Variants in GLIS3 observed in about 807,000 individuals in gnomAD.
GLIS3 encodes the protein GLIS family zinc finger 3, also known as zinc finger protein GLIS3.
GLIS3 carries 53 observed loss-of-function variants against 78.6 expected under a neutral mutation model. That is an observed-to-expected ratio of 0.67 (90% confidence interval 0.54 to 0.85). GLIS3 has a LOEUF of 0.85. GLIS3 is among the 40% of genes least tolerant of loss of function. The probability of loss-of-function intolerance (pLI) is 0.00; values close to 1 mark genes in which losing one functional copy is unlikely to be tolerated. For missense variants in GLIS3, 1,703 were observed against 1,231.1 expected (o/e 1.38, Z -5.74); for synonymous variants, 684 against 509.9 (o/e 1.34, Z -4.60).
chr9:4,414,307 A>G, the GLIS3 span, among the ~76,000 whole-genome samples: 1 of 152,228 alleles, frequency 6.6e-6, no homozygotes, highest in East Asian at 1.9e-4. Context: ...CAAAACATGT[A>G]TGGCCCAGAG....
chr9:4,038,409 A>G (rs758582523), intron 4 of GLIS3, among the ~76,000 whole-genome samples: 24 of 152,228 alleles, frequency 1.6e-4, no homozygotes, highest in Non-Finnish European at 3.2e-4. Flanking sequence ...ATTGTCATCA[A>G]GATGATAAAG....
the GLIS3 span, among the ~76,000 whole-genome samples, chr9:4,456,492 A>G: frequency 6.6e-6 from 1 of 152,250 alleles, no homozygotes; most frequent in Non-Finnish European, 1.5e-5. Context: ...CGCTATCAGC[A>G]ATATGGCTAT....
chr9:4,364,607 T>G, the GLIS3 span, among the ~76,000 whole-genome samples: 1 of 151,982 alleles, frequency 6.6e-6, no homozygotes, highest in African/African-American at 2.4e-5. Context: ...GAAAAATATC[T>G]CAAACATTAT....
chr9:4,012,758 T>G (rs1042717571), intron 4 of GLIS3, among the ~76,000 whole-genome samples: 1 of 141,068 alleles, frequency 7.1e-6, no homozygotes, highest in Non-Finnish European at 1.5e-5. Context: ...TTCTTTTTTT[T>G]CTTTTTCTTT....
At chr9:3,907,649 C>CAT (rs1823814196) in intron 6 of GLIS3, among the ~76,000 whole-genome samples, 1 of 148,486 alleles carries the variant, frequency 6.7e-6, no homozygotes, top group South Asian at 2.2e-4. Context: ...CACACACACA[C>CAT]ACACACTACT....
At chr9:4,257,876 A>C (rs1195298078) in intron 2 of GLIS3, among the ~76,000 whole-genome samples, 5 of 152,142 alleles carry the variant, frequency 3.3e-5, no homozygotes, top group Admixed American at 3.3e-4. Context: ...CCCGGCCAAC[A>C]TGTATATGTT....
chr9:4,306,423 A>T (rs1324966260), intron 4 of GLIS3, among the ~76,000 whole-genome samples: 3 of 152,222 alleles, frequency 2.0e-5, no homozygotes, highest in African/African-American at 7.2e-5. Context: ...CCAGCTAGTC[A>T]ACCCTGTGAG....
rs1023021279 is a variant in GLIS3 at position 3,913,962 on chromosome 9, C to T, written c.1984-15127G>A. Among the ~76,000 whole-genome samples, 3 of 152,288 alleles carry T rather than the reference C, an allele frequency of 2.0e-5. No individual in the cohort carries two copies. The South Asian group carries it at 6.2e-4, about 32-fold the overall frequency. On this transcript the variant is annotated intron_variant, in intron 6 of 10. Coordinates refer to ENST00000381971, the MANE Select transcript of GLIS3 (RefSeq NM_001042413.2). ...CAATGGCTGCTGAGTATTTATTAAT[C>T]CATGCTTAACCTTTGGGGTAGGCCC...
chr9:4,013,642 T>C (rs970414469), intron 4 of GLIS3, among the ~76,000 whole-genome samples: 2 of 152,230 alleles, frequency 1.3e-5, no homozygotes, highest in African/African-American at 2.4e-5. Flanking sequence ...GATACTATTA[T>C]TGGCTTAAGT....
intron 1 of GLIS3, among the ~76,000 whole-genome samples, chr9:4,295,441 C>G (rs993249551): frequency 1.3e-5 from 2 of 152,136 alleles, no homozygotes; most frequent in Non-Finnish European, 2.9e-5. Flanking sequence ...CAGACTGTTT[C>G]CATCATCTTT....
chr9:4,184,382 A>C (rs1365706458), intron 2 of GLIS3, among the ~76,000 whole-genome samples: 1 of 152,256 alleles, frequency 6.6e-6, no homozygotes, highest in Admixed American at 6.5e-5. Flanking sequence ...CAAATAAAGA[A>C]TATAACAATA....
At chr9:3,931,002 ATTAAC>A (rs747126943) in intron 6 of GLIS3, among the ~76,000 whole-genome samples, 6 of 152,194 alleles carry the variant, frequency 3.9e-5, no homozygotes, top group Middle Eastern at 3.2e-3. Context: ...TACATTATTA[ATTAAC>A]TTAGCAGTTC....
Position 4,286,173 on chromosome 9 carries a change from T to C in GLIS3, c.253A>G (p.Ser85Gly). 6.2e-7 allele frequency: 1 copy of C among 1,614,202 alleles called. No individual in the cohort carries two copies. Among genetic ancestry groups the C allele is most frequent in the Non-Finnish European group, 8.5e-7 (1 of 1,180,036 alleles). Residue 85 changes from serine to glycine, a missense_variant, in exon 2 of 11, where the codon AGC (serine) becomes GGC (glycine). Ser to Gly is a moderately conservative substitution (Grantham distance 56). Coordinates refer to ENST00000381971, the MANE Select transcript of GLIS3 (RefSeq NM_001042413.2). ...TTGGTGAGCATTTGTCTCCTGGGGC[T>C]TAAGGCAGGCAGATGGATGCGGCTC... ...AESRIHLPALSPRRQMLTNGK... is the reference protein window; with the variant it reads ...AESRIHLPALGPRRQMLTNGK...
chr9:3,865,849 T>C (rs528282343), intron 8 of GLIS3, among the ~76,000 whole-genome samples: 21 of 152,238 alleles, frequency 1.4e-4, no homozygotes, highest in Admixed American at 2.6e-4. Flanking sequence ...AGTTGGTTTT[T>C]GATATGTGAT....
intron 4 of GLIS3, among the ~76,000 whole-genome samples, chr9:4,056,006 G>T (rs1588557305): frequency 6.6e-6 from 1 of 152,164 alleles, no homozygotes; most frequent in Non-Finnish European, 1.5e-5. Context: ...AATGGTGAAG[G>T]ACTGATAGGA....
the GLIS3 span, among the ~76,000 whole-genome samples, chr9:4,465,734 A>T: frequency 3.9e-5 from 6 of 152,162 alleles, no homozygotes; most frequent in African/African-American, 1.2e-4. Context: ...ATGCATCTAC[A>T]AAAATTTTTT....
chr9:4,117,957 G>A lies in GLIS3; in HGVS notation c.1521C>T (p.Cys507=), dbSNP rs908630522. ...GGKHCCRWID[C]SALYDQQEEL... ...CCTCCTGCTGGTCGTACAGGGCGCT[G>A]CAGTCGATCCAGCGGCAGCAATGCT... is the stretch of plus-strand genomic sequence containing the variant. Residue 507 remains cysteine, a synonymous_variant, in exon 4 of 11, where the codon TGC becomes TGT. Coordinates refer to ENST00000381971, the MANE Select transcript of GLIS3 (RefSeq NM_001042413.2). 9 of 1,613,810 alleles carry A rather than the reference G, an allele frequency of 5.6e-6. No homozygotes were observed. In the Admixed American group the frequency reaches 8.3e-5, roughly 15 times the overall value.
intron 2 of GLIS3, among the ~76,000 whole-genome samples, chr9:4,195,723 G>A (rs1242482791): frequency 6.6e-5 from 10 of 152,266 alleles, no homozygotes; most frequent in South Asian, 2.1e-4. Flanking sequence ...TCCACTAGGC[G>A]AAGCCAGCTG....
chr9:4,280,272 C>G (rs537876091), intron 2 of GLIS3, among the ~76,000 whole-genome samples: 1 of 152,240 alleles, frequency 6.6e-6, no homozygotes, highest in Admixed American at 6.5e-5. Context: ...ATCCGCCCAC[C>G]GTGGCATCCC....
Sources: allele counts gnomAD v4.1 joint callset (sites outside exome capture counted in the v4.1 genomes callset), GRCh38; gene constraint gnomAD v4.1.1; transcripts MANE v1.5; gene names NCBI Gene and HGNC (gene_info 2026-07-23, HGNC 2026-07-21).